ARL5B: variants seen among roughly 807,000 people sequenced by gnomAD.
The protein encoded by ARL5B is ADP-ribosylation factor-like protein 5B.
In ARL5B, 10 loss-of-function variants were observed where a neutral mutation model predicts 26.9. That is an observed-to-expected ratio of 0.37 (90% confidence interval 0.23 to 0.63). ARL5B has a LOEUF of 0.63. Ranked by LOEUF, ARL5B falls within the 30% of genes least tolerant of loss-of-function variation. ARL5B has a pLI of 0.62. For missense variants in ARL5B, 167 were observed against 213.9 expected, an observed-to-expected ratio of 0.78 and a Z score of 1.37; for synonymous variants, 87 against 70.4, an observed-to-expected ratio of 1.24 and a Z score of -1.18.
At chr10:18,672,582 C>G in intron 3 of ARL5B, 40 bp from the exon 4 acceptor site, 1 of 1,484,394 alleles carries the variant, frequency 6.7e-7, no homozygotes, top group South Asian at 1.2e-5. Flanking sequence ...TTTTCAGCAT[C>G]CCATTCAATT....
In ARL5B at chr10:18,666,557, T is replaced by C. The variant is rs551582048; in HGVS notation, c.47-18T>C. ...ATGCAGTAGTGTTAAATGTTTATGATTTGCTTTCTTTTTGTAGAACACAAA... is the reference window on the plus strand; with the variant it reads ...ATGCAGTAGTGTTAAATGTTTATGACTTGCTTTCTTTTTGTAGAACACAAA... On this transcript the variant is annotated intron_variant, in intron 1 of 5. Transcript: ENST00000377275. 45 of 1,595,692 alleles carry C rather than the reference T, an allele frequency of 2.8e-5. No homozygotes were observed. The South Asian group carries it at 4.7e-4, about 17-fold the overall frequency.
At chr10:18,659,752 G>T in intron 1 of ARL5B, 69 bp downstream of exon 1, 1 of 1,585,176 alleles carries the variant, frequency 6.3e-7, no homozygotes, top group South Asian at 1.1e-5. Context: ...TGGGGACACC[G>T]GAGACAGGGG....
At chr10:18,665,323 A>G (rs573677238) in intron 1 of ARL5B, among the ~76,000 whole-genome samples, 2 of 152,242 alleles carry the variant, frequency 1.3e-5, no homozygotes, top group East Asian at 3.9e-4. Flanking sequence ...ACAAAGCAAG[A>G]CCCTGTCTCA....
chr10:18,662,519 G>A (rs996011351), intron 1 of ARL5B, among the ~76,000 whole-genome samples: 11 of 152,124 alleles, frequency 7.2e-5, no homozygotes, highest in African/African-American at 2.7e-4. Flanking sequence ...GATTATCTCT[G>A]CAAACATTTT....
Position 18,672,705 on chromosome 10 carries a change from G to C in ARL5B, c.339G>C (p.Glu113Asp). 11 of 1,601,012 alleles carry C rather than the reference G, an allele frequency of 6.9e-6. No homozygotes were observed. The highest frequency in any genetic ancestry group is 9.4e-6 in the Non-Finnish European group (11 of 1,172,090). The part of the protein sequence containing the change: ...KEELYRMLAH[E>D]DLRKAAVLIF... Reference sequence around the variant, plus strand: ...AATTATACAGAATGTTGGCTCATGAGGTAAATTTTTAAAGTAAATCTTTAA... The same window carrying C: ...AATTATACAGAATGTTGGCTCATGACGTAAATTTTTAAAGTAAATCTTTAA... The change falls in exon 4 of 6, where the codon GAG (glutamate) becomes GAC (aspartate). Residue 113 changes from glutamate to aspartate, a missense_variant and splice_region_variant. By Grantham distance (45) the Glu-to-Asp change is conservative. Transcript: ENST00000377275.
At chr10:18,664,063 C>T (rs2059849491) in intron 1 of ARL5B, among the ~76,000 whole-genome samples, 1 of 152,064 alleles carries the variant, frequency 6.6e-6, no homozygotes, top group Non-Finnish European at 1.5e-5. Flanking sequence ...AAGTGATTCT[C>T]CTGCCTCAGC....
rs1447808112 is a variant in ARL5B, at chr10:18,677,791, G to A, written c.*2575G>A. 2 of 152,190 alleles carry A rather than the reference G, an allele frequency of 1.3e-5. No homozygotes were observed. The highest frequency in any genetic ancestry group is 1.3e-4 in the Admixed American group (2 of 15,208). The allele number at this position is 152,190 out of a possible 1,614,324, so 9.4% of individuals were successfully genotyped here. A position where few individuals can be genotyped will look rare whatever the true frequency, so the allele number is the denominator to read the frequency against. ...GTCATGTTAGCAGCTAATTATTTCA[G>A]TGATGAAATAATTTGTGTTTTATAT... On this transcript the variant is annotated 3_prime_UTR_variant, in exon 6 of 6. Transcript: ENST00000377275.
rs955116206 is a variant in ARL5B at position 18,676,556 on chromosome 10, G to T, written c.*1340G>T. 1 of 151,816 alleles carries T rather than the reference G, an allele frequency of 6.6e-6. No individual in the cohort carries two copies. The highest frequency in any genetic ancestry group is 1.5e-5 in the Non-Finnish European group (1 of 67,854). 9.4% of individuals were successfully genotyped at this position (151,816 alleles called of 1,614,324 possible). On this transcript the variant is annotated 3_prime_UTR_variant, in exon 6 of 6. Coordinates refer to ENST00000377275, the MANE Select transcript of ARL5B (RefSeq NM_178815.5). Reference sequence around the variant, plus strand: ...AGAGGAAAGACAAGTGTCGTATTTCGATCCTGTTTATTCAAATGTGTGATT... The same window carrying T: ...AGAGGAAAGACAAGTGTCGTATTTCTATCCTGTTTATTCAAATGTGTGATT...
rs980945656 is a variant in ARL5B, at chr10:18,671,825, T to C, written c.256-797T>C. The stretch of plus-strand genomic sequence containing the variant: ...GGACTATGTGCATGGCTAATTTTTA[T>C]TTTTTGTAGAGAGACAGGTTCTCAC... On this transcript the variant is annotated intron_variant, in intron 3 of 5. Transcript: ENST00000377275. Among the ~76,000 whole-genome samples, 3 of 152,066 alleles carry C rather than the reference T, an allele frequency of 2.0e-5. 1 individual carries two copies. Among genetic ancestry groups the C allele is most frequent in the East Asian group, 3.9e-4 (2 of 5,176 alleles).
intron 2 of ARL5B, among the ~76,000 whole-genome samples, chr10:18,666,916 G>T (rs1195310244): frequency 6.6e-6 from 1 of 152,120 alleles, no homozygotes; most frequent in African/African-American, 2.4e-5. Context: ...TGATAAAGTG[G>T]ATTTCACTTA....
Position 18,666,568 on chromosome 10 carries a change from T to G in ARL5B, c.47-7T>G. The G allele has an allele frequency of 6.2e-7, 1 of 1,603,018 alleles. No homozygotes were observed. The highest frequency in any genetic ancestry group is 1.1e-5 in the South Asian group (1 of 88,382). ...TTAAATGTTTATGATTTGCTTTCTT[T>G]TTGTAGAACACAAAGTAATTATAGT... is the stretch of plus-strand genomic sequence containing the variant. On this transcript the variant is annotated splice_region_variant and splice_polypyrimidine_tract_variant and intron_variant, in intron 1 of 5. Coordinates refer to ENST00000377275, the MANE Select transcript of ARL5B (RefSeq NM_178815.5).
At chr10:18,674,182 TC>T in intron 5 of ARL5B, 47 bp downstream of exon 5, 1 of 1,540,090 alleles carries the variant, frequency 6.5e-7, no homozygotes, top group Non-Finnish European at 8.7e-7. Flanking sequence ...TCAAATTTCT[TC>T]CAACTTTTTA....
At chr10:18,659,876 G>A (rs1017501549) in intron 1 of ARL5B, 193 bp downstream of exon 1, 20 of 985,350 alleles carry the variant, frequency 2.0e-5, no homozygotes, top group Non-Finnish European at 2.4e-5. Context: ...GGGAGAAATA[G>A]GGAGGCAGAA....
rs1045895285 is a variant in ARL5B, at chr10:18,678,487, G to A, written c.*3271G>A. 25 of 151,794 alleles carry A rather than the reference G, an allele frequency of 1.6e-4. No individual in the cohort carries two copies. Among genetic ancestry groups the A allele is most frequent in the Admixed American group, 3.9e-4 (6 of 15,234 alleles). The allele number at this position is 151,794 out of a possible 1,614,324, so 9.4% of individuals were successfully genotyped here. A position where few individuals can be genotyped will look rare whatever the true frequency, so the allele number is the denominator to read the frequency against. ...AAAGAAAATTTTAAAGAATATAGAAGCTTTTTTAAAAAATCTTTTTAGTGT... is the reference window on the plus strand; with the variant it reads ...AAAGAAAATTTTAAAGAATATAGAAACTTTTTTAAAAAATCTTTTTAGTGT... On this transcript the variant is annotated 3_prime_UTR_variant, in exon 6 of 6. Coordinates refer to ENST00000377275, the MANE Select transcript of ARL5B (RefSeq NM_178815.5).
At position 18,675,428 on chromosome 10, in the gene ARL5B, A is replaced by AAT. The variant is rs1564867824; in HGVS notation, c.*212_*213insAT. ...ACTAATCTTCAGTTGGATGAATGTA[A>AAT]TGTATAACTATGTTTTCAGCAACAA... On this transcript the variant is annotated 3_prime_UTR_variant, in exon 6 of 6. Transcript: ENST00000377275. 2.0e-6 allele frequency: 1 copy of AAT among 504,976 alleles called. No homozygotes were observed. 31.3% of individuals were successfully genotyped at this position (504,976 alleles called of 1,614,324 possible).
chr10:18,668,823 GC>G (rs34839131), intron 3 of ARL5B, 146 bp downstream of exon 3: 279,251 of 826,878 alleles, frequency 0.34, 52,474 homozygotes, highest in East Asian at 0.71. Context: ...AGGCTAGAGT[GC>G]AGTGGAGTGA....
At chr10:18,674,535 C>G (rs551011486) in intron 5 of ARL5B, among the ~76,000 whole-genome samples, 21 of 152,214 alleles carry the variant, frequency 1.4e-4, no homozygotes, top group African/African-American at 5.1e-4. Context: ...AGTATGTCTT[C>G]TTTATTATTA....
At chr10:18,659,746 G>T in intron 1 of ARL5B, 63 bp downstream of exon 1, 1 of 1,588,798 alleles carries the variant, frequency 6.3e-7, no homozygotes, top group Non-Finnish European at 8.6e-7. Flanking sequence ...CGCCGATGGG[G>T]ACACCGGAGA....
intron 2 of ARL5B, 70 bp from the exon 3 acceptor site, chr10:18,668,460 A>G (rs2059871332): frequency 5.8e-6 from 9 of 1,542,722 alleles, no homozygotes; most frequent in Non-Finnish European, 8.0e-6. Flanking sequence ...GATCTTAAAA[A>G]TACAGAGATA....
Sources: allele counts gnomAD v4.1 joint callset (sites outside exome capture counted in the v4.1 genomes callset), GRCh38; gene constraint gnomAD v4.1.1; transcripts MANE v1.5; gene names NCBI Gene and HGNC (gene_info 2026-07-23, HGNC 2026-07-21).